PPM1L: variants seen among roughly 807,000 people sequenced by gnomAD.
The protein encoded by PPM1L is protein phosphatase, Mg2+/Mn2+ dependent 1L, also known as protein phosphatase 1L.
In PPM1L, 13 loss-of-function variants were observed where a neutral mutation model predicts 31.4. That is an observed-to-expected ratio of 0.41 (90% CI 0.27 to 0.66). PPM1L has a LOEUF of 0.66. PPM1L is among the 30% of genes least tolerant of loss of function. The pLI is 0.29. For missense variants in PPM1L, 326 were observed against 453.7 expected, an observed-to-expected ratio of 0.72 and a Z score of 2.56; for synonymous variants, 184 against 175.4, an observed-to-expected ratio of 1.05 and a Z score of -0.39.
At chr3:160,890,318 A>G (rs553545624) in intron 1 of PPM1L, among the ~76,000 whole-genome samples, 8 of 152,340 alleles carry the variant, frequency 5.3e-5, no homozygotes, top group East Asian at 1.9e-4. Context: ...TCAATGTGCA[A>G]AAATCACAAG....
In PPM1L at chr3:160,893,937, G is replaced by C. The variant is rs74441123; in HGVS notation, c.400-67799G>C. Among the ~76,000 whole-genome samples the C allele has an allele frequency of 4.6e-3, 694 of 152,250 alleles. 6 individuals are homozygous for C. Among genetic ancestry groups the C allele is most frequent in the African/African-American group, 0.015 (639 of 41,552 alleles). The stretch of plus-strand genomic sequence containing the variant: ...TATGTGGTATGATACTTTTACATGA[G>C]ATAGTCAACACTTTTTTATAAAATA... On this transcript the variant is annotated intron_variant, in intron 1 of 3. Transcript: ENST00000498165.
chr3:160,998,775 T>G (rs1426102472), intron 2 of PPM1L, among the ~76,000 whole-genome samples: 2 of 152,170 alleles, frequency 1.3e-5, no homozygotes, highest in African/African-American at 4.8e-5. Context: ...CAAGGTCTGT[T>G]TGTTAAGCAC....
At chr3:161,000,567 A>G (rs1717449528) in intron 2 of PPM1L, among the ~76,000 whole-genome samples, 1 of 152,242 alleles carries the variant, frequency 6.6e-6, no homozygotes, top group African/African-American at 2.4e-5. Context: ...AGGCTGATGA[A>G]TCTGGAAAAA....
intron 2 of PPM1L, among the ~76,000 whole-genome samples, chr3:160,999,905 A>T (rs2108050731): frequency 6.6e-6 from 1 of 152,358 alleles, no homozygotes; most frequent in South Asian, 2.1e-4. Context: ...GTATGCATAC[A>T]ACGCTTAATG....
chr3:160,799,749 T>C (rs1712368986), intron 1 of PPM1L, among the ~76,000 whole-genome samples: 1 of 152,174 alleles, frequency 6.6e-6, no homozygotes, highest in Non-Finnish European at 1.5e-5. Context: ...TTTCTTTGGG[T>C]CTCTACCTGT....
chr3:160,893,236 G>A (rs1456002330), intron 1 of PPM1L, among the ~76,000 whole-genome samples: 1 of 152,042 alleles, frequency 6.6e-6, no homozygotes, highest in Non-Finnish European at 1.5e-5. Flanking sequence ...ATTTTTGTGA[G>A]GGACAAATAT....
intron 2 of PPM1L, among the ~76,000 whole-genome samples, chr3:161,047,734 C>G (rs1719130678): frequency 6.6e-6 from 1 of 152,170 alleles, no homozygotes; most frequent in Non-Finnish European, 1.5e-5. Flanking sequence ...GATACCAAAA[C>G]AGAGATACAG....
Position 161,072,914 on chromosome 3 carries a change from GT to G in PPM1L, c.*3759del, listed in dbSNP as rs1719976674. The G allele has an allele frequency of 6.6e-6, 1 of 152,086 alleles. No homozygotes were observed. The highest frequency in any genetic ancestry group is 6.5e-5 in the Admixed American group (1 of 15,278). The allele number at this position is 152,086 out of a possible 1,614,324, so 9.4% of individuals were successfully genotyped here. On this transcript the variant is annotated 3_prime_UTR_variant, in exon 4 of 4. Transcript: ENST00000498165. ...CAACTAGACTGTTCATACCCTAATA[GT>G]TCCCCAAAATTGCCTTAGCATGTCA... is the stretch of plus-strand genomic sequence containing the variant.
At chr3:160,796,554 G>A (rs1712256875) in intron 1 of PPM1L, among the ~76,000 whole-genome samples, 1 of 152,158 alleles carries the variant, frequency 6.6e-6, no homozygotes. Flanking sequence ...GCTCTTTGTG[G>A]GACCTTAATT....
intron 1 of PPM1L, among the ~76,000 whole-genome samples, chr3:160,776,821 G>A (rs1295458342): frequency 6.6e-6 from 1 of 151,668 alleles, no homozygotes; most frequent in African/African-American, 2.4e-5. Flanking sequence ...GGCTGGTCTC[G>A]AATTCCTGAC....
intron 2 of PPM1L, among the ~76,000 whole-genome samples, chr3:161,044,983 T>A (rs1223136661): frequency 6.6e-6 from 1 of 152,172 alleles, no homozygotes; most frequent in Admixed American, 6.5e-5. Context: ...TAGTCTCTGA[T>A]AAAACAGATT....
intron 2 of PPM1L, among the ~76,000 whole-genome samples, chr3:161,007,362 G>C (rs1288578096): frequency 2.6e-5 from 4 of 152,242 alleles, no homozygotes; most frequent in African/African-American, 9.6e-5. Flanking sequence ...TGGATATCCA[G>C]GGAAAGTGTG....
At chr3:160,995,690 A>G (rs1717295387) in intron 2 of PPM1L, among the ~76,000 whole-genome samples, 1 of 152,196 alleles carries the variant, frequency 6.6e-6, no homozygotes, top group South Asian at 2.1e-4. Context: ...ATTCTAAAGA[A>G]TGAGAGAAAC....
chr3:160,986,801 G>A (rs1053611079), intron 2 of PPM1L, among the ~76,000 whole-genome samples: 9 of 151,944 alleles, frequency 5.9e-5, no homozygotes, highest in Admixed American at 1.3e-4. Flanking sequence ...TTTGTTATTC[G>A]TAATGTCATA....
In PPM1L at chr3:161,074,150, A is replaced by T. The variant is rs939505237; in HGVS notation, c.*4993A>T. 6.6e-6 allele frequency: 1 copy of T among 152,236 alleles called. No homozygotes were observed. Among genetic ancestry groups the T allele is most frequent in the African/African-American group, 2.4e-5 (1 of 41,470 alleles). The allele number at this position is 152,236 out of a possible 1,614,324, so 9.4% of individuals were successfully genotyped here. On this transcript the variant is annotated 3_prime_UTR_variant, in exon 4 of 4. Coordinates refer to ENST00000498165, the MANE Select transcript of PPM1L (RefSeq NM_139245.4). The stretch of plus-strand genomic sequence containing the variant: ...AAATGTAAACTATTAACAGTTATTT[A>T]CTTTCTTTCCTTTATTGTCCTCTCT...
At position 160,980,610 on chromosome 3, in the gene PPM1L, G is replaced by A. The variant is rs139005219; in HGVS notation, c.574+18700G>A. ...TTGAGCCCTGGAGGTTGAGGCTGCAGTGAGCTGTGATCATGCAATAGCACT... is the reference window on the plus strand; with the variant it reads ...TTGAGCCCTGGAGGTTGAGGCTGCAATGAGCTGTGATCATGCAATAGCACT... On this transcript the variant is annotated intron_variant, in intron 2 of 3. Coordinates refer to ENST00000498165, the MANE Select transcript of PPM1L (RefSeq NM_139245.4). Among the ~76,000 whole-genome samples, 604 of 151,990 alleles carry A rather than the reference G, an allele frequency of 4.0e-3. 5 individuals are homozygous for A. Among genetic ancestry groups the A allele is most frequent in the African/African-American group, 0.014 (578 of 41,432 alleles).
chr3:161,060,620 C>T (rs1027679443), intron 2 of PPM1L, among the ~76,000 whole-genome samples: 1 of 151,694 alleles, frequency 6.6e-6, no homozygotes, highest in Non-Finnish European at 1.5e-5. Flanking sequence ...CTGGCTTGAG[C>T]AATGGAGTGG....
chr3:160,952,995 G>A (rs1322898681), intron 1 of PPM1L, among the ~76,000 whole-genome samples: 1 of 152,102 alleles, frequency 6.6e-6, no homozygotes, highest in East Asian at 1.9e-4. Flanking sequence ...AATTTGAGGG[G>A]TATTAAAATT....
At chr3:161,046,919 C>A (rs1044270601) in intron 2 of PPM1L, among the ~76,000 whole-genome samples, 12 of 152,066 alleles carry the variant, frequency 7.9e-5, no homozygotes, top group East Asian at 7.7e-4. Context: ...TCAATAAATT[C>A]GGTATTGATG....
Sources: gnomAD v4.1 joint callset for allele counts (sites outside exome capture counted in the v4.1 genomes callset) on GRCh38, gnomAD v4.1.1 for gene constraint, MANE v1.5 for transcripts, NCBI Gene and HGNC (gene_info 2026-07-23, HGNC 2026-07-21) for gene names.